The following CASK variants were observed in gnomAD, a reference collection of about 807,000 sequenced individuals.
The protein encoded by CASK is peripheral plasma membrane protein CASK.
In CASK, 4 loss-of-function variants were observed where a neutral mutation model predicts 82.9. That is an observed-to-expected ratio of 0.05 (90% CI 0.02 to 0.11). The LOEUF is 0.11. CASK is among the 10% of genes least tolerant of loss of function. The pLI, the probability that CASK is intolerant of heterozygous loss-of-function variation, is 1.00. For synonymous variants in CASK, 259 were observed against 253.5 expected, an observed-to-expected ratio of 1.02 and a Z score of -0.20; for missense variants, 358 against 720.9, an observed-to-expected ratio of 0.50 and a Z score of 5.76.
At chrX:41,837,780 C>T (rs1404299421) in intron 2 of CASK, among the ~76,000 whole-genome samples, 4 of 111,735 alleles carry the variant, frequency 3.6e-5, no homozygotes, top group Non-Finnish European at 7.5e-5. Flanking sequence ...TTAGCTATGA[C>T]GAGTATAGCT....
chrX:41,578,709 C>G, intron 14 of CASK, among the ~76,000 whole-genome samples, 181 bp from the exon 15 acceptor site: 1 of 111,175 alleles, frequency 9.0e-6, no homozygotes, highest in Non-Finnish European at 1.9e-5. Context: ...CCTTTGCAGC[C>G]TTCTGTGTAG....
chrX:41,821,353 G>A (rs911834238), intron 2 of CASK, among the ~76,000 whole-genome samples: 11 of 111,812 alleles, frequency 9.8e-5, no homozygotes, highest in Non-Finnish European at 2.1e-4. Flanking sequence ...AAATGCAAAT[G>A]AAAACCACAA....
At chrX:41,627,195 CTT>C (rs2066393453) in intron 9 of CASK, among the ~76,000 whole-genome samples, 1 of 111,364 alleles carries the variant, frequency 9.0e-6, no homozygotes, top group African/African-American at 3.3e-5. Context: ...TTTTTTCCCT[CTT>C]TTTGTTTTAA....
chrX:41,861,229 T>C lies in CASK; in HGVS notation c.60-8002A>G, dbSNP rs980717812. Among the ~76,000 whole-genome samples, 3 of 111,084 alleles carry C rather than the reference T, an allele frequency of 2.7e-5. No homozygotes were observed. In the South Asian group the frequency reaches 1.1e-3, roughly 42 times the overall value. ...AAAGCAAAGGTTCTGGAAAATTTGATTGGTGTGTGTGTGTGTTTGTGTGCG... is the reference window on the plus strand; with the variant it reads ...AAAGCAAAGGTTCTGGAAAATTTGACTGGTGTGTGTGTGTGTTTGTGTGCG... On this transcript the variant is annotated intron_variant, in intron 1 of 26. Coordinates refer to ENST00000378163, the MANE Select transcript of CASK (RefSeq NM_001367721.1).
chrX:41,748,357 A>T (rs762745565), intron 3 of CASK: 16 of 147,329 alleles, frequency 1.1e-4, no homozygotes, highest in Non-Finnish European at 2.0e-4. Flanking sequence ...ACATTGGTGA[A>T]TTTGAAATCA....
chrX:41,830,166 A>AT (rs1296537883), intron 2 of CASK, among the ~76,000 whole-genome samples: 2 of 107,147 alleles, frequency 1.9e-5, no homozygotes, highest in Non-Finnish European at 3.8e-5. Context: ...TGCCTGGCTA[A>AT]TTTTTTTATT....
In CASK at chrX:41,520,393, G is replaced by C. The variant is rs1388570398; in HGVS notation, c.*27C>G. 8.6e-7 allele frequency: 1 copy of C among 1,167,071 alleles called. No individual in the cohort carries two copies. The highest frequency in any genetic ancestry group is 1.8e-5 in the African/African-American group (1 of 56,326). ...CTTTTCCACAAATGAGGTGCTCCCAGTTATGCTCAGATATCTGGGGAGAGG... is the reference window on the plus strand; with the variant it reads ...CTTTTCCACAAATGAGGTGCTCCCACTTATGCTCAGATATCTGGGGAGAGG... On this transcript the variant is annotated 3_prime_UTR_variant, in exon 27 of 27. Transcript: ENST00000378163.
At chrX:41,730,655 A>T (rs758690182) in intron 5 of CASK, among the ~76,000 whole-genome samples, 1 of 111,324 alleles carries the variant, frequency 9.0e-6, no homozygotes, top group African/African-American at 3.3e-5. Flanking sequence ...CTCAAAGTCC[A>T]TCAGGGAGAG....
At chrX:41,572,525 A>T (rs761710268) in intron 15 of CASK, among the ~76,000 whole-genome samples, 1 of 110,289 alleles carries the variant, frequency 9.1e-6, no homozygotes, top group East Asian at 2.8e-4. Flanking sequence ...CCTTCAAGTG[A>T]TATTATACCA....
intron 1 of CASK, among the ~76,000 whole-genome samples, chrX:41,890,944 G>C (rs1282104299): frequency 1.9e-5 from 2 of 106,654 alleles, no homozygotes. Context: ...CTGGAGTGCA[G>C]TGATGCAACC....
Position 41,644,471 on chromosome X carries a change from C to T in CASK, c.832-7810G>A, listed in dbSNP as rs970755634. Among the ~76,000 whole-genome samples the T allele has an allele frequency of 5.4e-5, 6 of 111,286 alleles. No homozygotes were observed. The South Asian group carries it at 1.1e-3, about 21-fold the overall frequency. On this transcript the variant is annotated intron_variant, in intron 8 of 26. Coordinates refer to ENST00000378163, the MANE Select transcript of CASK (RefSeq NM_001367721.1). ...ACTTTAATCTCTTAATCCTGTCAGC[C>T]GAGAAAGATGTATGTCACCTTAGGA...
At chrX:41,749,559 T>A (rs2068753648) in intron 3 of CASK, among the ~76,000 whole-genome samples, 1 of 105,272 alleles carries the variant, frequency 9.5e-6, no homozygotes, top group Admixed American at 1.0e-4. Context: ...CTAATTTTTG[T>A]ATTTTTTTGT....
intron 3 of CASK, among the ~76,000 whole-genome samples, chrX:41,759,045 T>C (rs918167981): frequency 3.6e-5 from 4 of 112,438 alleles, no homozygotes; most frequent in Non-Finnish European, 7.5e-5. Flanking sequence ...ATTAATTTTC[T>C]AGTTTTTTCA....
chrX:41,912,810 A>G (rs2072605256), intron 1 of CASK, among the ~76,000 whole-genome samples: 1 of 93,182 alleles, frequency 1.1e-5, no homozygotes, highest in Admixed American at 1.2e-4. Context: ...ATATATATAA[A>G]ATATATATAA....
chrX:41,883,641 G>A (rs960990406), intron 1 of CASK, among the ~76,000 whole-genome samples: 2 of 111,282 alleles, frequency 1.8e-5, no homozygotes, highest in South Asian at 7.6e-4. Flanking sequence ...TTGACGAAAC[G>A]ATATTGTCAT....
At chrX:41,565,398 C>T (rs183244063) in intron 16 of CASK, among the ~76,000 whole-genome samples, 2 of 111,272 alleles carry the variant, frequency 1.8e-5, no homozygotes, top group East Asian at 2.8e-4. Flanking sequence ...AAATGATAAA[C>T]GGGATATCAC....
chrX:41,530,971 G>A, intron 25 of CASK, 36 bp downstream of exon 25: 1 of 1,127,539 alleles, frequency 8.9e-7, no homozygotes, highest in Non-Finnish European at 1.2e-6. Flanking sequence ...TGGCATGCAG[G>A]CAGGATGTCA....
chrX:41,899,560 T>C lies in CASK; in HGVS notation c.59+23370A>G, dbSNP rs189950161. Reference sequence around the variant, plus strand: ...TTGATTCCTTTATCTTTTGTGAATCTACTACAGATTTTTTCTTTGTGCCAT... The same window carrying C: ...TTGATTCCTTTATCTTTTGTGAATCCACTACAGATTTTTTCTTTGTGCCAT... On this transcript the variant is annotated intron_variant, in intron 1 of 26. Coordinates refer to ENST00000378163, the MANE Select transcript of CASK (RefSeq NM_001367721.1). 8.1e-5 allele frequency among the ~76,000 whole-genome samples: 9 copies of C among 111,574 alleles called. No individual in the cohort carries two copies. In the East Asian group the frequency reaches 2.5e-3, roughly 31 times the overall value.
chrX:41,883,576 G>A (rs997640195), intron 1 of CASK, among the ~76,000 whole-genome samples: 5 of 111,752 alleles, frequency 4.5e-5, no homozygotes, highest in African/African-American at 1.6e-4. Flanking sequence ...ATGTCTAGAT[G>A]TGGCTTCTCC....
Sources: gnomAD v4.1 joint callset for allele counts (sites outside exome capture counted in the v4.1 genomes callset) on GRCh38, gnomAD v4.1.1 for gene constraint, MANE v1.5 for transcripts, NCBI Gene and HGNC (gene_info 2026-07-23, HGNC 2026-07-21) for gene names.